ADGRD2: variants seen among roughly 807,000 people sequenced by gnomAD.
The protein encoded by ADGRD2 is G protein-coupled receptor PGR24.
Under a neutral mutation model 44.4 loss-of-function variants are expected in ADGRD2, and 71 were observed. That is an observed-to-expected ratio of 1.60 (90% CI 1.32 to 1.95). The LOEUF (loss-of-function observed/expected upper bound fraction) is 1.95, where lower values mean the gene tolerates loss of function less well. Ranked by LOEUF, ADGRD2 falls within the 30% of genes most tolerant of loss-of-function variation. The pLI, the probability that ADGRD2 is intolerant of heterozygous loss-of-function variation, is 0.00. For synonymous variants in ADGRD2, 481 were observed against 224.8 expected (o/e 2.14, Z -10.19); for missense variants, 1,039 against 512.4 (o/e 2.03, Z -9.92).
chr9:124,453,691 G>GCCCCCGCCCCCCCCCCCCGCCCCCCCC lies in ADGRD2; in HGVS notation c.923+19_923+20insCGCCCCCCCCCCCCGCCCCCCCCCCCC. On this transcript the variant is annotated intron_variant, in intron 3 of 21. Transcript: ENST00000334810. ...TCTCTGTCCCGGTACGACCCGCCCC[G>GCCCCCGCCCCCCCCCCCCGCCCCCCCC]CCCCGGCCCCACCCCATGGCCCCGA... 4.2e-6 allele frequency: 1 copy of GCCCCCGCCCCCCCCCCCCGCCCCCCCC among 239,254 alleles called. No homozygotes were observed. The highest frequency in any genetic ancestry group is 5.7e-5 in the Admixed American group (1 of 17,500). 14.8% of individuals were successfully genotyped at this position (239,254 alleles called of 1,614,324 possible).
chr9:124,468,613 T>C (rs1372617926), exon 14 of ADGRD2: 1 of 718,308 alleles, frequency 1.4e-6, no homozygotes, highest in African/African-American at 1.7e-5. Flanking sequence ...TGGAGGAAGG[T>C]GGTAGCTGTG....
At chr9:124,474,443 G>A (rs564550555) in intron 17 of ADGRD2, among the ~76,000 whole-genome samples, 1 of 152,184 alleles carries the variant, frequency 6.6e-6, no homozygotes, top group Non-Finnish European at 1.5e-5. Flanking sequence ...CAGTGCAGAG[G>A]CTACAGAGAA....
At chr9:124,475,965 CCTGTCACTCATTCCCCACTGCCAGGAAA>C (rs1832043426) in intron 19 of ADGRD2, among the ~76,000 whole-genome samples, 1 of 152,198 alleles carries the variant, frequency 6.6e-6, no homozygotes, top group Admixed American at 6.5e-5. Context: ...TGAGCAATGT[CCTGTCACTCATTCCCCACTGCCAGGAAA>C]CCCGGGCTTC....
chr9:124,470,584 C>T, exon 17 of ADGRD2: 2 of 708,448 alleles, frequency 2.8e-6, no homozygotes, highest in Non-Finnish European at 2.6e-6. Context: ...CCGCCTGGGC[C>T]TACGCTGCCG....
chr9:124,474,745 C>T lies in ADGRD2; in HGVS notation c.2759-701C>T, dbSNP rs544110579. Among the ~76,000 whole-genome samples the T allele has an allele frequency of 7.1e-4, 108 of 152,334 alleles. 1 individual carries two copies. The South Asian group carries it at 0.018, about 26-fold the overall frequency. ...GCTTAGGATCCATTCCTCTGCCCCC[C>T]ACCCACAGCTCCTGGTCCCTCTCCA... On this transcript the variant is annotated intron_variant, in intron 17 of 21. Coordinates refer to ENST00000334810, the Ensembl canonical transcript of ADGRD2.
At position 124,452,169 on chromosome 9, in the gene ADGRD2, TC is replaced by T. The variant is rs1564136247; in HGVS notation, c.68+17del. ...TTGGGCCCCAGGTTGGTATGAGGGA[TC>T]CCCCCAGGGAGGGTCCCAGTCCCCC... On this transcript the variant is annotated intron_variant, in intron 1 of 21. Transcript: ENST00000334810. 1.4e-6 allele frequency: 1 copy of T among 713,492 alleles called. No homozygotes were observed. The highest frequency in any genetic ancestry group is 1.5e-5 in the South Asian group (1 of 67,046). The allele number at this position is 713,492 out of a possible 1,614,324, so 44.2% of individuals were successfully genotyped here.
rs1192276240 is a variant in ADGRD2 at position 124,454,773 on chromosome 9, C to T, written c.1109-70C>T. The T allele has an allele frequency of 4.8e-6, 3 of 621,686 alleles. No homozygotes were observed. The African/African-American group carries it at 5.5e-5, about 11-fold the overall frequency. 38.5% of individuals were successfully genotyped at this position (621,686 alleles called of 1,614,324 possible). A position where few individuals can be genotyped will look rare whatever the true frequency, so the allele number is the denominator to read the frequency against. On this transcript the variant is annotated intron_variant, in intron 5 of 21. Transcript: ENST00000334810. This position sits in a 1 kb window ranked among gnomAD's most constrained non-coding sequence, Gnocchi z 4.5. ...CCCACCAAGAAGACCCTGGCAAAGCCCAAGTGTGGCCCTTGGGGGGATCCC... is the reference window on the plus strand; with the variant it reads ...CCCACCAAGAAGACCCTGGCAAAGCTCAAGTGTGGCCCTTGGGGGGATCCC...
intron 10 of ADGRD2, chr9:124,465,476 C>T (rs1358052403): frequency 2.0e-5 from 3 of 151,994 alleles, no homozygotes; most frequent in Non-Finnish European, 2.9e-5. Context: ...CTCAGCCTCC[C>T]GAGTAGCTGA....
At position 124,458,729 on chromosome 9, in the gene ADGRD2, G is replaced by A. The variant is rs1190306099; in HGVS notation, c.1870+8G>A. On this transcript the variant is annotated splice_region_variant and intron_variant, in intron 10 of 21. Coordinates refer to ENST00000334810, the Ensembl canonical transcript of ADGRD2. ...CTCCAGCACCGGGCCCAGGTACTGG[G>A]TGGCGCTTCTGGGAAGCAGCCATCC... is the stretch of plus-strand genomic sequence containing the variant. The A allele has an allele frequency of 4.2e-6, 3 of 717,642 alleles. No homozygotes were observed. The highest frequency in any genetic ancestry group is 2.0e-5 in the Admixed American group (1 of 49,928). 44.5% of individuals were successfully genotyped at this position (717,642 alleles called of 1,614,324 possible).
intron 17 of ADGRD2, among the ~76,000 whole-genome samples, chr9:124,474,666 G>A (rs1273956065): frequency 1.3e-5 from 2 of 152,190 alleles, no homozygotes; most frequent in African/African-American, 4.8e-5. Flanking sequence ...GCAGCTGCCT[G>A]TGACACTGCC....
intron 6 of ADGRD2, 121 bp downstream of exon 9, chr9:124,455,248 C>G: frequency 1.7e-6 from 1 of 578,388 alleles, no homozygotes; most frequent in Non-Finnish European, 3.1e-6. Flanking sequence ...CTGCGTCTAT[C>G]CTGAAAAGCT....
intron 17 of ADGRD2, among the ~76,000 whole-genome samples, chr9:124,472,695 C>CG (rs201336520): frequency 0.013 from 1,917 of 152,126 alleles, 40 homozygotes; most frequent in African/African-American, 0.044. Context: ...TTAGTGGAGA[C>CG]GGGGGTCTCA....
At chr9:124,478,555 T>A (rs1261021805) in exon 22 of ADGRD2, 1 of 152,442 alleles carries the variant, frequency 6.6e-6, no homozygotes, top group Non-Finnish European at 1.5e-5. Flanking sequence ...CTCTGCCGTG[T>A]CTGGTAATAA....
upstream of ADGRD2, chr9:124,451,479 C>G (rs1410133846): frequency 2.9e-6 from 1 of 348,038 alleles, no homozygotes; most frequent in Non-Finnish European, 5.7e-6. Context: ...TCCTGGGCTT[C>G]CAGCCCACTG....
chr9:124,462,493 G>A (rs7851429), intron 10 of ADGRD2, among the ~76,000 whole-genome samples: 105,311 of 152,116 alleles, frequency 0.69, 37,107 homozygotes, highest in African/African-American at 0.82. Context: ...CATTGACTGT[G>A]TATATCAATT....
At chr9:124,468,717 C>T (rs1831881776) in intron 14 of ADGRD2, 45 bp downstream of exon 17, 2 of 674,484 alleles carry the variant, frequency 3.0e-6, no homozygotes, top group East Asian at 5.4e-5. Context: ...TCAGCTGTAC[C>T]TTGCACGGCC....
chr9:124,473,081 GTC>G (rs926134997), intron 17 of ADGRD2, among the ~76,000 whole-genome samples: 1 of 152,124 alleles, frequency 6.6e-6, no homozygotes, highest in African/African-American at 2.4e-5. Flanking sequence ...GTCTCTCCCT[GTC>G]TCTCTGTGTC....
intron 3 of ADGRD2, 114 bp from the exon 7 acceptor site, chr9:124,453,885 G>T (rs149009356): frequency 4.8e-6 from 2 of 420,070 alleles, no homozygotes; most frequent in Non-Finnish European, 9.1e-6. Context: ...CCCACCCCGA[G>T]CTGGCAACAG....
At chr9:124,468,440 G>A (rs1051102939) in intron 13 of ADGRD2, 79 bp from the exon 17 acceptor site, 14 of 712,598 alleles carry the variant, frequency 2.0e-5, no homozygotes, top group East Asian at 8.0e-5. Context: ...TGGCAAGGCC[G>A]GGCTGGGCAT....
Sources: allele counts gnomAD v4.1 joint callset (sites outside exome capture counted in the v4.1 genomes callset), GRCh38; gene constraint gnomAD v4.1.1; non-coding constraint Gnocchi (gnomAD v3.1); transcripts MANE v1.5; gene names NCBI Gene and HGNC (gene_info 2026-07-23, HGNC 2026-07-21).